ATG2B: variants seen among roughly 807,000 people sequenced by gnomAD.
The protein encoded by ATG2B is autophagy related 2B, also known as autophagy-related protein 2 homolog B.
ATG2B carries 121 observed loss-of-function variants against 241.3 expected under a neutral mutation model. That is an observed-to-expected ratio of 0.50 (90% CI 0.43 to 0.58). ATG2B has a LOEUF of 0.58. Among genes scored for constraint, ATG2B ranks in the 20% least tolerant of loss-of-function variants. The probability of loss-of-function intolerance (pLI) is 0.00; values close to 1 mark genes in which losing one functional copy is unlikely to be tolerated. For synonymous variants in ATG2B, 858 were observed against 876.6 expected, an observed-to-expected ratio of 0.98 and a Z score of 0.37; for missense variants, 2,306 against 2,491.6, an observed-to-expected ratio of 0.93 and a Z score of 1.59.
chr14:96,280,253 GT>G lies in ATG2B; in HGVS notation c.*5501del, dbSNP rs1566708299. On this transcript the variant is annotated 3_prime_UTR_variant, in exon 42 of 42. Transcript: ENST00000359933. The stretch of plus-strand genomic sequence containing the variant: ...TAGTGAAGACTTTTTGCTAAGTTAG[GT>G]AACTGCTCCAAGCTTTTCTTAAATG... 1 of 152,172 alleles carries G rather than the reference GT, an allele frequency of 6.6e-6. No homozygotes were observed. The highest frequency in any genetic ancestry group is 1.5e-5 in the Non-Finnish European group (1 of 68,028). 9.4% of individuals were successfully genotyped at this position (152,172 alleles called of 1,614,324 possible).
chr14:96,339,708 G>T (rs925002616), intron 6 of ATG2B, among the ~76,000 whole-genome samples: 2 of 151,888 alleles, frequency 1.3e-5, no homozygotes, highest in Admixed American at 6.6e-5. Context: ...ATAATGGACT[G>T]TAGGGACTCA....
chr14:96,329,166 A>G (rs1752944554), intron 12 of ATG2B, among the ~76,000 whole-genome samples: 1 of 152,200 alleles, frequency 6.6e-6, no homozygotes, highest in South Asian at 2.1e-4. Flanking sequence ...CAGGCATTCG[A>G]TAATTATTTG....
chr14:96,302,154 G>T, intron 33 of ATG2B, 46 bp from the exon 34 acceptor site: 1 of 1,159,090 alleles, frequency 8.6e-7, no homozygotes, highest in Non-Finnish European at 1.3e-6. Context: ...ATAATATGAT[G>T]ACCTTCTTCT....
intron 6 of ATG2B, among the ~76,000 whole-genome samples, chr14:96,339,404 T>C (rs1301248867): frequency 6.6e-6 from 1 of 151,912 alleles, no homozygotes; most frequent in Non-Finnish European, 1.5e-5. Context: ...TGTATATATG[T>C]ATGTGGTGCG....
At chr14:96,360,375 G>A (rs1380399624) in intron 1 of ATG2B, among the ~76,000 whole-genome samples, 1 of 152,194 alleles carries the variant, frequency 6.6e-6, no homozygotes, top group Non-Finnish European at 1.5e-5. Context: ...CTTGTACTAT[G>A]AGGAGAACAT....
At chr14:96,312,302 T>A in intron 25 of ATG2B, 143 bp from the exon 26 acceptor site, 1 of 616,542 alleles carries the variant, frequency 1.6e-6, no homozygotes, top group Non-Finnish European at 2.8e-6. Flanking sequence ...ATAACTGTCA[T>A]CTAACATTTT....
In ATG2B at chr14:96,281,590, C is replaced by T. The variant is rs768676766; in HGVS notation, c.*4165G>A. 2 of 152,158 alleles carry T rather than the reference C, an allele frequency of 1.3e-5. No individual in the cohort carries two copies. Among genetic ancestry groups the T allele is most frequent in the African/African-American group, 4.8e-5 (2 of 41,432 alleles). The allele number at this position is 152,158 out of a possible 1,614,324, so 9.4% of individuals were successfully genotyped here. On this transcript the variant is annotated 3_prime_UTR_variant, in exon 42 of 42. Transcript: ENST00000359933. ...AGCAAGTTATACAAACAATGCAAGACAAATCCAACTAGAAATCGGAAGCTG... is the reference window on the plus strand; with the variant it reads ...AGCAAGTTATACAAACAATGCAAGATAAATCCAACTAGAAATCGGAAGCTG...
chr14:96,297,414 T>C (rs1886674817), intron 34 of ATG2B, among the ~76,000 whole-genome samples: 1 of 152,190 alleles, frequency 6.6e-6, no homozygotes. Flanking sequence ...TTGTTTTGTT[T>C]TGAGACAGAG....
At position 96,358,969 on chromosome 14, in the gene ATG2B, G is replaced by C. The variant is rs540614281; in HGVS notation, c.162+3846C>G. On this transcript the variant is annotated intron_variant, in intron 1 of 41. Coordinates refer to ENST00000359933, the MANE Select transcript of ATG2B (RefSeq NM_018036.7). ...AGTGAAGGTAACACTCTAGTCTCCA[G>C]GTGACCTTTGACAAATAATCAGTAA... Among the ~76,000 whole-genome samples, 11 of 152,250 alleles carry C rather than the reference G, an allele frequency of 7.2e-5. No homozygotes were observed. The South Asian group carries it at 1.7e-3, about 23-fold the overall frequency.
Position 96,332,368 on chromosome 14 carries a change from G to C in ATG2B, c.1405C>G (p.Gln469Glu), listed in dbSNP as rs201880070. 2.6e-4 allele frequency: 422 copies of C among 1,613,908 alleles called. 4 individuals are homozygous for C. In the East Asian group the frequency reaches 9.2e-3, roughly 35 times the overall value. ...WGEFLDHHKE[Q>E]PVRGSTFPSN... ...GGAAATGTTGACCCTCTTACTGGCT[G>C]TTCTTTATGATGATCAAGGAACTCT... The change falls in exon 10 of 42, where the codon CAG (glutamine) becomes GAG (glutamate). Residue 469 changes from glutamine (Q) to glutamate (E), a missense_variant. This residue lies in a region of ATG2B where 1,927 missense variants were observed against 2,011.2 expected (regional missense o/e 0.96). Coordinates refer to ENST00000359933, the MANE Select transcript of ATG2B (RefSeq NM_018036.7).
Position 96,363,155 on chromosome 14 carries a change from G to C in ATG2B, c.-179C>G. On this transcript the variant is annotated 5_prime_UTR_variant, in exon 1 of 42. Transcript: ENST00000359933. ...CGCCGGCGCCGCACCGCTCGCGCTG[G>C]GCCTGGCGGAGGCAAGACGCAGAGG... 1.5e-6 allele frequency: 1 copy of C among 652,708 alleles called. No homozygotes were observed. Among genetic ancestry groups the C allele is most frequent in the South Asian group, 1.9e-5 (1 of 51,382 alleles). 40.4% of individuals were successfully genotyped at this position (652,708 alleles called of 1,614,324 possible).
rs867390300 is a variant in ATG2B at position 96,305,651 on chromosome 14, C to T, written c.4671G>A (p.Trp1557Ter). The T allele has an allele frequency of 3.7e-6, 6 of 1,614,090 alleles. No homozygotes were observed. The highest frequency in any genetic ancestry group is 5.1e-6 in the Non-Finnish European group (6 of 1,179,974). ...RYVVKEVSLV[W>*]HLYGGKDFGI... ...CAAAATCCTTTCCTCCATAAAGATGCCAGACAAGAGAGACCTCCTTCACCA... is the reference window on the plus strand; with the variant it reads ...CAAAATCCTTTCCTCCATAAAGATGTCAGACAAGAGAGACCTCCTTCACCA... The change falls in exon 31 of 42, where the codon TGG (tryptophan) becomes TGA (stop). Residue 1557 changes from tryptophan to a stop codon, truncating the protein, a stop_gained. Transcript: ENST00000359933. LOFTEE classifies it high-confidence loss of function.
In ATG2B at chr14:96,303,180, G is replaced by A. The variant is rs765384361; in HGVS notation, c.4918C>T (p.Arg1640Trp). 7.4e-6 allele frequency: 12 copies of A among 1,612,788 alleles called. No homozygotes were observed. The highest frequency in any genetic ancestry group is 2.2e-5 in the South Asian group (2 of 90,824). ...AGATCCTGAACAATGAACACCTGCC[G>A]GGAGACTGGGTGTTCTGAGAGGCTG... ...DSSLSEHPVSRQVFIVQDLEI... is the reference protein window; with the variant it reads ...DSSLSEHPVSWQVFIVQDLEI... The change falls in exon 33 of 42, where the codon CGG (arginine) becomes TGG (tryptophan). Residue 1640 changes from arginine (R) to tryptophan (W), a missense_variant. By Grantham distance (101) the Arg-to-Trp change is moderately radical. Transcript: ENST00000359933.
In ATG2B at chr14:96,332,619, A is replaced by T; in HGVS notation, c.1244T>A (p.Met415Lys). 6.3e-7 allele frequency: 1 copy of T among 1,596,290 alleles called. No individual in the cohort carries two copies. Among genetic ancestry groups the T allele is most frequent in the Non-Finnish European group, 8.5e-7 (1 of 1,174,802 alleles). ...TGGAAGAGAAGAGAGACTATGAGAC[A>T]TGTCCATATCAGCCATGGAGAAGAA... Reference protein sequence around the residue: ...EVFFSMADMDMSHSLSSLPPL... With the variant: ...EVFFSMADMDKSHSLSSLPPL... The change falls in exon 9 of 42, where the codon ATG (methionine) becomes AAG (lysine). Residue 415 changes from methionine (M) to lysine (K), a missense_variant. Transcript: ENST00000359933.
chr14:96,330,212 G>A (rs1595316382), intron 11 of ATG2B, among the ~76,000 whole-genome samples: 3 of 151,266 alleles, frequency 2.0e-5, no homozygotes, highest in Admixed American at 2.0e-4. Context: ...AAAAAAGGGG[G>A]GTGGAAGAAA....
rs1886156967 is a variant in ATG2B, at chr14:96,280,054, G to C, written c.*5701C>G. The stretch of plus-strand genomic sequence containing the variant: ...ATTTATAGAAAGAAATCTTCCAGGT[G>C]GTGCTAACCCCTACTCACGGGCATG... On this transcript the variant is annotated 3_prime_UTR_variant, in exon 42 of 42. Coordinates refer to ENST00000359933, the MANE Select transcript of ATG2B (RefSeq NM_018036.7). 6.6e-6 allele frequency: 1 copy of C among 152,258 alleles called. No homozygotes were observed. Among genetic ancestry groups the C allele is most frequent in the South Asian group, 2.1e-4 (1 of 4,834 alleles). 9.4% of individuals were successfully genotyped at this position (152,258 alleles called of 1,614,324 possible). A position where few individuals can be genotyped will look rare whatever the true frequency, so the allele number is the denominator to read the frequency against.
intron 41 of ATG2B, among the ~76,000 whole-genome samples, chr14:96,288,263 G>A (rs1449842643): frequency 3.9e-5 from 6 of 152,044 alleles, no homozygotes; most frequent in African/African-American, 9.7e-5. Flanking sequence ...TAGAAATATC[G>A]CCTATCTCTA....
chr14:96,295,451 T>C, intron 35 of ATG2B, 31 bp downstream of exon 35: 1 of 1,422,850 alleles, frequency 7.0e-7, no homozygotes, highest in Non-Finnish European at 9.7e-7. Flanking sequence ...AAGTACTTGG[T>C]ATAGTCTTTT....
At chr14:96,328,308 C>T in intron 14 of ATG2B, 39 bp downstream of exon 14, 2 of 1,450,900 alleles carry the variant, frequency 1.4e-6, no homozygotes, top group South Asian at 1.3e-5. Context: ...ATTAGCTAAC[C>T]ATAATTATGA....
Sources: gnomAD v4.1 joint callset for allele counts (sites outside exome capture counted in the v4.1 genomes callset) on GRCh38, gnomAD v4.1.1 for gene constraint, gnomAD v4.1.1 regional missense constraint, MANE v1.5 for transcripts, NCBI Gene and HGNC (gene_info 2026-07-23, HGNC 2026-07-21) for gene names.